APBA1: variants seen among roughly 807,000 people sequenced by gnomAD.
APBA1 encodes amyloid-beta A4 precursor protein-binding family A member 1.
Under a neutral mutation model 86.6 loss-of-function variants are expected in APBA1, and 55 were observed. That is an observed-to-expected ratio of 0.64 (90% confidence interval 0.51 to 0.80). The LOEUF (loss-of-function observed/expected upper bound fraction) is 0.80, where lower values mean the gene tolerates loss of function less well. APBA1 is among the 30% of genes least tolerant of loss of function. APBA1 has a pLI of 0.00. For synonymous variants in APBA1, 511 were observed against 493.9 expected (o/e 1.03, Z -0.46); for missense variants, 1,090 against 1,183.0 (o/e 0.92, Z 1.15).
chr9:69,434,241 G>A (rs905886963), intron 11 of APBA1, among the ~76,000 whole-genome samples: 1 of 152,164 alleles, frequency 6.6e-6, no homozygotes, highest in Non-Finnish European at 1.5e-5. Context: ...CTCTTGGAGG[G>A]TGCATCCCAA....
At chr9:69,439,858 T>A (rs1834779250) in intron 11 of APBA1, among the ~76,000 whole-genome samples, 1 of 152,238 alleles carries the variant, frequency 6.6e-6, no homozygotes, top group South Asian at 2.1e-4. Flanking sequence ...GGAGAGGTGC[T>A]CTGGTTTGTA....
chr9:69,509,813 CA>C (rs1835999435), intron 2 of APBA1, among the ~76,000 whole-genome samples: 1 of 88,940 alleles, frequency 1.1e-5, no homozygotes, highest in Admixed American at 1.5e-4. Flanking sequence ...GAGCCAAAGA[CA>C]AAAACCACAT....
At chr9:69,617,828 G>A (rs1204089271) in intron 1 of APBA1, among the ~76,000 whole-genome samples, 1 of 152,048 alleles carries the variant, frequency 6.6e-6, no homozygotes, top group Non-Finnish European at 1.5e-5. Context: ...CACTCACACT[G>A]TTGTGCGACT....
chr9:69,502,320 G>A (rs896044581), intron 2 of APBA1, among the ~76,000 whole-genome samples: 3 of 152,038 alleles, frequency 2.0e-5, no homozygotes, highest in African/African-American at 4.8e-5. Context: ...GAGCTGAACC[G>A]ACAGGTGAAA....
chr9:69,497,916 A>G (rs1449303554), intron 2 of APBA1, among the ~76,000 whole-genome samples: 3 of 152,104 alleles, frequency 2.0e-5, no homozygotes, highest in Non-Finnish European at 4.4e-5. Context: ...GGGAGAGGAC[A>G]AGGCCAGCAG....
chr9:69,578,812 C>A (rs540846859), intron 1 of APBA1, among the ~76,000 whole-genome samples: 34 of 152,282 alleles, frequency 2.2e-4, no homozygotes, highest in African/African-American at 8.2e-4. Context: ...TGCATTTTAA[C>A]AATTGCAATT....
At chr9:69,463,265 C>G (rs990098552) in intron 5 of APBA1, 3 of 136,708 alleles carry the variant, frequency 2.2e-5, no homozygotes, top group African/African-American at 9.2e-5. Flanking sequence ...TTCTCAAGCT[C>G]AAGAACTGTG....
At chr9:69,595,862 T>A (rs1270600830) in intron 1 of APBA1, among the ~76,000 whole-genome samples, 4 of 152,164 alleles carry the variant, frequency 2.6e-5, no homozygotes, top group Admixed American at 6.5e-5. Flanking sequence ...TTTCAAACTG[T>A]GTTCTACAGC....
intron 5 of APBA1, among the ~76,000 whole-genome samples, chr9:69,460,370 A>G (rs1322384162): frequency 1.3e-5 from 2 of 152,168 alleles, no homozygotes; most frequent in East Asian, 3.8e-4. Flanking sequence ...CCCTATGCTG[A>G]TGTTATGCCA....
At chr9:69,631,640 A>G (rs1195918961) in intron 1 of APBA1, among the ~76,000 whole-genome samples, 7 of 152,252 alleles carry the variant, frequency 4.6e-5, no homozygotes, top group Admixed American at 2.0e-4. Context: ...ACAATAGCAA[A>G]GACTTGGAAC....
intron 2 of APBA1, among the ~76,000 whole-genome samples, chr9:69,512,963 T>TATA (rs148002261): frequency 0.041 from 6,267 of 152,204 alleles, 450 homozygotes; most frequent in African/African-American, 0.14. Context: ...ATCAACAGAA[T>TATA]ATAATATCAT....
Position 69,449,809 on chromosome 9 carries a change from A to C in APBA1, c.1969-13T>G. The C allele has an allele frequency of 6.2e-7, 1 of 1,603,588 alleles. No individual in the cohort carries two copies. On this transcript the variant is annotated splice_polypyrimidine_tract_variant and intron_variant, in intron 9 of 12. Transcript: ENST00000265381. Reference sequence around the variant, plus strand: ...TCTCTATGAAAACCTGGAAGGAGAAAAACATTTAGAAAACCTCCATCAGTG... The same window carrying C: ...TCTCTATGAAAACCTGGAAGGAGAACAACATTTAGAAAACCTCCATCAGTG...
Position 69,449,585 on chromosome 9 carries a change from T to G in APBA1, c.2180A>C (p.Lys727Thr). The change falls in exon 10 of 13, where the codon AAG (lysine) becomes ACG (threonine). Residue 727 changes from lysine (K) to threonine (T), a missense_variant and splice_region_variant. Lys to Thr is a moderately conservative substitution (Grantham distance 78). Transcript: ENST00000265381. ...CTGATTTTTCCCATATTCAGGTACC[T>G]TAATAATGCTCTGGCAGGTGGACAG... ...LPLSTCQSII[K>T]GLKNQSRVKL... The G allele has an allele frequency of 6.2e-7, 1 of 1,613,436 alleles. No individual in the cohort carries two copies. Among genetic ancestry groups the G allele is most frequent in the Non-Finnish European group, 8.5e-7 (1 of 1,179,734 alleles).
chr9:69,652,178 C>T (rs557519424), intron 1 of APBA1, among the ~76,000 whole-genome samples: 4 of 152,322 alleles, frequency 2.6e-5, no homozygotes, highest in Non-Finnish European at 4.4e-5. Flanking sequence ...AGAAAATAAA[C>T]GTCTGTTGTT....
At chr9:69,639,691 T>C (rs1172280599) in intron 1 of APBA1, among the ~76,000 whole-genome samples, 1 of 152,178 alleles carries the variant, frequency 6.6e-6, no homozygotes, top group Non-Finnish European at 1.5e-5. Context: ...CTCCTTATTT[T>C]GAAAACTGGT....
At chr9:69,462,740 G>A (rs1422121212) in intron 5 of APBA1, 2 of 152,204 alleles carry the variant, frequency 1.3e-5, no homozygotes, top group Non-Finnish European at 2.9e-5. Context: ...GGCACAGTGG[G>A]AGGAAAGATG....
chr9:69,551,501 T>C (rs918719204), intron 1 of APBA1, among the ~76,000 whole-genome samples: 1 of 150,538 alleles, frequency 6.6e-6, no homozygotes, highest in Non-Finnish European at 1.5e-5. Flanking sequence ...TGCAGTCAGC[T>C]GAGATCATGC....
chr9:69,488,520 G>C (rs557989391), intron 2 of APBA1, among the ~76,000 whole-genome samples: 6 of 152,192 alleles, frequency 3.9e-5, no homozygotes, highest in African/African-American at 1.2e-4. Context: ...CCCATACTTT[G>C]AGAATGGTGG....
intron 11 of APBA1, among the ~76,000 whole-genome samples, chr9:69,435,728 C>T (rs1418337489): frequency 6.6e-6 from 1 of 152,092 alleles, no homozygotes; most frequent in African/African-American, 2.4e-5. Context: ...AAATTTTCTC[C>T]CTTTCTGTAG....
Sources: allele counts gnomAD v4.1 joint callset (sites outside exome capture counted in the v4.1 genomes callset), GRCh38; gene constraint gnomAD v4.1.1; transcripts MANE v1.5; gene names NCBI Gene and HGNC (gene_info 2026-07-23, HGNC 2026-07-21).